Variants in MYO10 observed in about 807,000 individuals in gnomAD.
MYO10 encodes the protein unconventional myosin-X.
A neutral mutation model predicts 257.3 loss-of-function variants in MYO10; 133 were observed. That is an observed-to-expected ratio of 0.52 (90% confidence interval 0.45 to 0.60). The LOEUF is 0.60. MYO10 is among the 20% of genes least tolerant of loss of function. The pLI, the probability that MYO10 is intolerant of heterozygous loss-of-function variation, is 0.00. For missense variants in MYO10, 2,399 were observed against 2,635.7 expected, an observed-to-expected ratio of 0.91 and a Z score of 1.97; for synonymous variants, 1,104 against 1,028.6, an observed-to-expected ratio of 1.07 and a Z score of -1.40.
chr5:16,904,847 T>G (rs1412956711), intron 1 of MYO10, among the ~76,000 whole-genome samples: 2 of 151,926 alleles, frequency 1.3e-5, no homozygotes, highest in Non-Finnish European at 1.5e-5. Flanking sequence ...GAGAATGGCG[T>G]GAACCCAGGA....
intron 3 of MYO10, among the ~76,000 whole-genome samples, chr5:16,795,582 C>G (rs1247694711): frequency 1.3e-5 from 2 of 152,184 alleles, no homozygotes; most frequent in Non-Finnish European, 2.9e-5. Flanking sequence ...GCCTGGGCGA[C>G]AGAGTGAGAT....
chr5:16,705,105 G>A (rs773455292), intron 21 of MYO10, among the ~76,000 whole-genome samples: 8 of 152,194 alleles, frequency 5.3e-5, no homozygotes, highest in Admixed American at 1.3e-4. Context: ...GGAAGGAAAG[G>A]AGGAAGGAAG....
intron 19 of MYO10, among the ~76,000 whole-genome samples, chr5:16,720,612 C>T (rs2126598274): frequency 6.6e-6 from 1 of 152,208 alleles, no homozygotes; most frequent in African/African-American, 2.4e-5. Flanking sequence ...GCACGTGCCA[C>T]CACACCCGGC....
At chr5:16,718,340 G>T (rs912742332) in intron 19 of MYO10, among the ~76,000 whole-genome samples, 1 of 152,162 alleles carries the variant, frequency 6.6e-6, no homozygotes, top group Admixed American at 6.5e-5. Context: ...GAATGCGAGC[G>T]CACGGCGCAG....
chr5:16,670,811 C>T lies in MYO10; in HGVS notation c.5598G>A (p.Gln1866=). 1 of 1,614,028 alleles carries T rather than the reference C, an allele frequency of 6.2e-7. No homozygotes were observed. The highest frequency in any genetic ancestry group is 2.2e-5 in the East Asian group (1 of 44,882). ...SLQRLKARIS[Q]STKTFTPCER... The stretch of plus-strand genomic sequence containing the variant: ...CACAAGGGGTGAAGGTTTTGGTTGA[C>T]TGGCTGATGCGGGCCTTGAGTCTCT... The change falls in exon 39 of 41, where the codon CAG becomes CAA. Residue 1866 remains glutamine, a synonymous_variant. Transcript: ENST00000513610.
intron 2 of MYO10, among the ~76,000 whole-genome samples, chr5:16,827,404 A>G (rs1337890030): frequency 6.6e-6 from 1 of 152,156 alleles, no homozygotes; most frequent in African/African-American, 2.4e-5. Context: ...CTCCTGGCTC[A>G]GCCTCCCGGA....
chr5:16,704,808 C>G (rs1738255045), intron 21 of MYO10, 123 bp from the exon 22 acceptor site: 3 of 713,558 alleles, frequency 4.2e-6, no homozygotes, highest in Admixed American at 2.3e-5. Context: ...CACCACATGG[C>G]CATGCTTTCT....
intron 3 of MYO10, among the ~76,000 whole-genome samples, chr5:16,809,589 C>T (rs993940611): frequency 2.8e-4 from 43 of 152,218 alleles, no homozygotes; most frequent in African/African-American, 1.0e-3. Context: ...TTTTGCCTGA[C>T]AGATGCAGGC....
intron 12 of MYO10, 77 bp downstream of exon 12, chr5:16,764,173 T>C: frequency 1.3e-6 from 2 of 1,498,352 alleles, no homozygotes; most frequent in Non-Finnish European, 1.8e-6. Flanking sequence ...AAAAAGAGTT[T>C]GCTCACAGAG....
At chr5:16,758,724 GCCTC>G (rs1740606821) in intron 17 of MYO10, among the ~76,000 whole-genome samples, 1 of 152,062 alleles carries the variant, frequency 6.6e-6, no homozygotes, top group Non-Finnish European at 1.5e-5. Flanking sequence ...CTCTCTCTAA[GCCTC>G]AGTTTTTTCA....
chr5:16,895,078 C>T (rs1318923556), intron 1 of MYO10, among the ~76,000 whole-genome samples: 1 of 152,242 alleles, frequency 6.6e-6, no homozygotes, highest in Non-Finnish European at 1.5e-5. Context: ...ATCACCTCCA[C>T]CCTTACCAAT....
chr5:16,847,031 T>G (rs898660421), intron 2 of MYO10, among the ~76,000 whole-genome samples: 8 of 151,748 alleles, frequency 5.3e-5, no homozygotes, highest in African/African-American at 1.9e-4. Flanking sequence ...GGCACAAGAA[T>G]CACTTGAACC....
intron 28 of MYO10, among the ~76,000 whole-genome samples, chr5:16,689,124 A>G (rs767094742): frequency 1.3e-5 from 2 of 152,208 alleles, no homozygotes; most frequent in Non-Finnish European, 2.9e-5. Context: ...AATGATACTA[A>G]CCGTTCTCTG....
At chr5:16,789,727 A>C (rs1290592701) in intron 4 of MYO10, among the ~76,000 whole-genome samples, 1 of 152,180 alleles carries the variant, frequency 6.6e-6, no homozygotes, top group Non-Finnish European at 1.5e-5. Flanking sequence ...TGGGAGGAGG[A>C]GCCGAGATTG....
intron 1 of MYO10, among the ~76,000 whole-genome samples, chr5:16,884,635 G>A (rs1744844737): frequency 6.6e-6 from 1 of 151,084 alleles, no homozygotes; most frequent in South Asian, 2.1e-4. Flanking sequence ...GACTTAAGCA[G>A]CACTTTTTCT....
At chr5:16,931,797 A>C (rs1440473749) in intron 1 of MYO10, among the ~76,000 whole-genome samples, 1 of 152,252 alleles carries the variant, frequency 6.6e-6, no homozygotes, top group East Asian at 1.9e-4. Context: ...TGATACAAGA[A>C]GTCCTCAGCA....
rs1447034687 is a variant in MYO10, at chr5:16,781,921, G to A, written c.603-92C>T. ...CTCACAAATGTCAAAATATACAACTGCAAGAAAAATCTGAAACCAAAAGGA... is the reference window on the plus strand; with the variant it reads ...CTCACAAATGTCAAAATATACAACTACAAGAAAAATCTGAAACCAAAAGGA... On this transcript the variant is annotated intron_variant, in intron 5 of 40. Transcript: ENST00000513610. 14 of 1,463,892 alleles carry A rather than the reference G, an allele frequency of 9.6e-6. No homozygotes were observed. In the East Asian group the frequency reaches 2.8e-4, roughly 29 times the overall value. 90.7% of individuals were successfully genotyped at this position (1,463,892 alleles called of 1,614,324 possible).
chr5:16,717,739 C>G (rs1579896388), intron 19 of MYO10, among the ~76,000 whole-genome samples: 2 of 152,188 alleles, frequency 1.3e-5, no homozygotes, highest in East Asian at 1.9e-4. Context: ...CTTTGACCCA[C>G]GGGGATTTAA....
chr5:16,861,526 C>T (rs569753009), intron 2 of MYO10, among the ~76,000 whole-genome samples: 41 of 152,138 alleles, frequency 2.7e-4, no homozygotes, highest in Non-Finnish European at 4.4e-4. Context: ...GAGCTGAGAT[C>T]GCGCCATGGC....
Sources: allele counts gnomAD v4.1 joint callset (sites outside exome capture counted in the v4.1 genomes callset), GRCh38; gene constraint gnomAD v4.1.1; transcripts MANE v1.5; gene names NCBI Gene and HGNC (gene_info 2026-07-23, HGNC 2026-07-21).